The following GLYATL2 variants were observed in gnomAD, a reference collection of about 807,000 sequenced individuals.
The protein encoded by GLYATL2 is glycine-N-acyltransferase like 2, also known as glycine N-acyltransferase-like protein 2.
Under a neutral mutation model 21.4 loss-of-function variants are expected in GLYATL2, and 25 were observed. The observed-to-expected ratio is 1.17, with a 90% confidence interval of 0.85 to 1.63. The LOEUF (loss-of-function observed/expected upper bound fraction) is 1.63. Among genes scored for constraint, GLYATL2 ranks in the 40% most tolerant of loss-of-function variants. The probability of loss-of-function intolerance (pLI) is 0.00; values close to 1 mark genes in which losing one functional copy is unlikely to be tolerated. For missense variants in GLYATL2, 361 were observed against 343.3 expected, an observed-to-expected ratio of 1.05 and a Z score of -0.41; for synonymous variants, 114 against 118.2, an observed-to-expected ratio of 0.96 and a Z score of 0.23.
rs181931333 is a variant in GLYATL2 at position 58,857,562 on chromosome 11, A to G, written n.61-19194T>C. ...AGCGGGAACCGTTACCACTAGTGCTACAGAGTGAACTTCACCTCCTTTCCA... is the reference window on the plus strand; with the variant it reads ...AGCGGGAACCGTTACCACTAGTGCTGCAGAGTGAACTTCACCTCCTTTCCA... On this transcript the variant is annotated intron_variant and non_coding_transcript_variant, in intron 1 of 4. Transcript: ENST00000533636. 8.8e-4 allele frequency among the ~76,000 whole-genome samples: 134 copies of G among 152,290 alleles called. 2 individuals carry two copies. In the East Asian group the frequency reaches 8.9e-3, roughly 10 times the overall value.
intron 1 of GLYATL2, among the ~76,000 whole-genome samples, chr11:58,890,937 ATTAT>A (rs1854532837): frequency 6.6e-6 from 1 of 151,616 alleles, no homozygotes; most frequent in South Asian, 2.1e-4. Flanking sequence ...TCTCCATTTC[ATTAT>A]TTATAGCTTT....
chr11:58,869,450 C>A (rs1281312664), intron 1 of GLYATL2, among the ~76,000 whole-genome samples: 8 of 152,252 alleles, frequency 5.3e-5, no homozygotes, highest in African/African-American at 1.9e-4. Context: ...AACTGCTTTA[C>A]CCAAAATTTT....
chr11:58,838,495 A>G, intron 2 of GLYATL2, 127 bp from the exon 3 acceptor site: 1 of 581,496 alleles, frequency 1.7e-6, no homozygotes, highest in Non-Finnish European at 3.0e-6. Context: ...AGGATGGGCC[A>G]GTGCTTCCAG....
intron 1 of GLYATL2, among the ~76,000 whole-genome samples, chr11:58,852,372 GTAAC>G (rs1405018153): frequency 1.3e-5 from 2 of 152,216 alleles, no homozygotes; most frequent in Non-Finnish European, 2.9e-5. Context: ...CACTGAGAAT[GTAAC>G]TAACAGAAAT....
At chr11:58,861,636 G>T (rs150228535) in intron 1 of GLYATL2, among the ~76,000 whole-genome samples, 2 of 150,760 alleles carry the variant, frequency 1.3e-5, no homozygotes, top group Non-Finnish European at 3.0e-5. Flanking sequence ...TTATAGTTCC[G>T]TGAAGTGTAA....
At chr11:58,882,735 A>T (rs1854363278) in intron 1 of GLYATL2, among the ~76,000 whole-genome samples, 1 of 152,168 alleles carries the variant, frequency 6.6e-6, no homozygotes, top group East Asian at 1.9e-4. Context: ...TAAGTATTTG[A>T]TCCATCTTGA....
At chr11:58,906,352 A>T (rs1312931160), upstream of GLYATL2, among the ~76,000 whole-genome samples, 1 of 152,110 alleles carries the variant, frequency 6.6e-6, no homozygotes, top group Non-Finnish European at 1.5e-5. Context: ...ACCCTGGTGG[A>T]TCCTTTCCTT....
chr11:58,842,054 A>G (rs1853562672), intron 1 of GLYATL2, among the ~76,000 whole-genome samples: 1 of 152,346 alleles, frequency 6.6e-6, no homozygotes, highest in Non-Finnish European at 1.5e-5. Flanking sequence ...TATACTAACT[A>G]CAAGAGGTAA....
At chr11:58,886,930 C>T (rs1854452667) in intron 1 of GLYATL2, among the ~76,000 whole-genome samples, 1 of 152,168 alleles carries the variant, frequency 6.6e-6, no homozygotes, top group African/African-American at 2.4e-5. Flanking sequence ...GGGATGGGAA[C>T]CAGGCTGAGC....
At chr11:58,851,972 T>C (rs2134587450) in intron 1 of GLYATL2, among the ~76,000 whole-genome samples, 1 of 152,314 alleles carries the variant, frequency 6.6e-6, no homozygotes, top group Admixed American at 6.5e-5. Flanking sequence ...TGGTCATTGA[T>C]TGAGAAAGAG....
intron 1 of GLYATL2, among the ~76,000 whole-genome samples, chr11:58,858,810 G>A (rs553580770): frequency 5.1e-4 from 78 of 152,242 alleles, no homozygotes; most frequent in African/African-American, 1.7e-3. Flanking sequence ...GTGCAATGTC[G>A]TTTCCCAAAG....
intron 1 of GLYATL2, among the ~76,000 whole-genome samples, chr11:58,900,595 C>T (rs911389488): frequency 2.6e-5 from 4 of 152,048 alleles, no homozygotes; most frequent in African/African-American, 4.8e-5. Flanking sequence ...CCCAGCGTGA[C>T]GGGGGGTAGG....
chr11:58,899,338 G>A (rs756443454), intron 1 of GLYATL2, among the ~76,000 whole-genome samples: 1 of 152,106 alleles, frequency 6.6e-6, no homozygotes, highest in Non-Finnish European at 1.5e-5. Context: ...TCAGTGTGGG[G>A]TGTTAAGAAC....
intron 1 of GLYATL2, among the ~76,000 whole-genome samples, chr11:58,873,459 T>C (rs1854163774): frequency 1.3e-5 from 2 of 152,054 alleles, no homozygotes; most frequent in South Asian, 2.1e-4. Flanking sequence ...AGATACATTC[T>C]ATCAATACCT....
chr11:58,905,528 G>A, upstream of GLYATL2: 1 of 456,264 alleles, frequency 2.2e-6, no homozygotes, highest in South Asian at 1.5e-5. Flanking sequence ...ATCAAAAGGC[G>A]GAAAAAGCGC....
At chr11:58,871,172 T>A (rs76297697) in intron 1 of GLYATL2, among the ~76,000 whole-genome samples, 1 of 152,180 alleles carries the variant, frequency 6.6e-6, no homozygotes, top group East Asian at 1.9e-4. Context: ...TCAACAGATG[T>A]CAAACAGGCC....
At chr11:58,857,326 TC>T (rs1853846318) in intron 1 of GLYATL2, among the ~76,000 whole-genome samples, 1 of 152,234 alleles carries the variant, frequency 6.6e-6, no homozygotes, top group Non-Finnish European at 1.5e-5. Context: ...TTGAGAAATG[TC>T]TATTCAAGAT....
At chr11:58,878,219 C>A (rs1424271397) in intron 1 of GLYATL2, 4 of 288,942 alleles carry the variant, frequency 1.4e-5, no homozygotes, top group Non-Finnish European at 2.7e-5. Context: ...CAATTAAACT[C>A]CTTTAAATTT....
intron 1 of GLYATL2, among the ~76,000 whole-genome samples, chr11:58,860,917 G>A (rs957966255): frequency 2.0e-5 from 3 of 151,990 alleles, no homozygotes; most frequent in African/African-American, 7.2e-5. Context: ...ACTGTACGTT[G>A]AACTATCTTT....
Sources: gnomAD v4.1 joint callset for allele counts (sites outside exome capture counted in the v4.1 genomes callset) on GRCh38, gnomAD v4.1.1 for gene constraint, MANE v1.5 for transcripts, NCBI Gene and HGNC (gene_info 2026-07-23, HGNC 2026-07-21) for gene names.